The following SNX30 variants were observed in gnomAD, a reference collection of about 807,000 sequenced individuals.
SNX30 encodes the protein sorting nexin family member 30.
A neutral mutation model predicts 46.4 loss-of-function variants in SNX30; 24 were observed. The observed-to-expected ratio is 0.52, with a 90% CI of 0.37 to 0.73. The LOEUF is 0.73. SNX30 is among the 30% of genes least tolerant of loss of function. The pLI is 0.00. For synonymous variants in SNX30, 189 were observed against 211.5 expected (o/e 0.89, Z 0.92); for missense variants, 533 against 555.7 (o/e 0.96, Z 0.41).
intron 8 of SNX30, among the ~76,000 whole-genome samples, chr9:112,865,643 ATATATATATATATATATATG>A (rs1326561090): frequency 2.4e-5 from 2 of 83,668 alleles, no homozygotes; most frequent in African/African-American, 3.8e-5. Flanking sequence ...ATATATATAT[ATATATATATATATATATATG>A]TATGTATGTA....
At position 112,792,946 on chromosome 9, in the gene SNX30, A is replaced by G. The variant is rs568992816; in HGVS notation, c.157-11830A>G. Among the ~76,000 whole-genome samples the G allele has an allele frequency of 4.3e-4, 60 of 139,960 alleles. No individual in the cohort carries two copies. In the Middle Eastern group the frequency reaches 0.02, roughly 47 times the overall value. The allele number at this position is 139,960 out of a possible 152,430, so 91.8% of individuals were successfully genotyped here. A position where few individuals can be genotyped will look rare whatever the true frequency, so the allele number is the denominator to read the frequency against. On this transcript the variant is annotated intron_variant, in intron 1 of 8. Transcript: ENST00000374232. ...AGTCTGGCCTAAAGGGTTCTGTTTTATGGGCTTCATCTTTTTCAAATGCAT... is the reference window on the plus strand; with the variant it reads ...AGTCTGGCCTAAAGGGTTCTGTTTTGTGGGCTTCATCTTTTTCAAATGCAT...
chr9:112,790,606 A>C (rs981444054), intron 1 of SNX30, among the ~76,000 whole-genome samples: 4 of 152,246 alleles, frequency 2.6e-5, no homozygotes, highest in African/African-American at 9.6e-5. Context: ...GGCCAAAGTC[A>C]GTGTGGTGGG....
intron 6 of SNX30, among the ~76,000 whole-genome samples, chr9:112,844,247 A>T (rs1840903386): frequency 6.6e-6 from 1 of 152,208 alleles, no homozygotes; most frequent in African/African-American, 2.4e-5. Flanking sequence ...GGTGGATCGC[A>T]GTACTGTTTA....
chr9:112,793,899 A>T (rs1294973943), intron 1 of SNX30, among the ~76,000 whole-genome samples: 1 of 149,110 alleles, frequency 6.7e-6, no homozygotes, highest in Non-Finnish European at 1.5e-5. Flanking sequence ...CACTGAGTTT[A>T]TCTAGAGGTC....
At chr9:112,790,808 C>T (rs1336164615) in intron 1 of SNX30, among the ~76,000 whole-genome samples, 2 of 152,172 alleles carry the variant, frequency 1.3e-5, no homozygotes, top group Non-Finnish European at 2.9e-5. Flanking sequence ...CACATTTGCT[C>T]CCTATTATGT....
rs1160677050 is a variant in SNX30, at chr9:112,873,722, A to G, written c.*4879A>G. On this transcript the variant is annotated 3_prime_UTR_variant, in exon 9 of 9. Transcript: ENST00000374232. The stretch of plus-strand genomic sequence containing the variant: ...GATATAGTATCGGCATTGACAAATC[A>G]CGTAGAAACAAAGAATGCTATAGAT... The G allele has an allele frequency of 6.6e-6, 1 of 152,104 alleles. No individual in the cohort carries two copies. Among genetic ancestry groups the G allele is most frequent in the Non-Finnish European group, 1.5e-5 (1 of 68,046 alleles). The allele number at this position is 152,104 out of a possible 1,614,324, so 9.4% of individuals were successfully genotyped here. A position where few individuals can be genotyped will look rare whatever the true frequency, so the allele number is the denominator to read the frequency against.
At chr9:112,876,320 G>C (rs1841517325), downstream of SNX30, among the ~76,000 whole-genome samples, 1 of 151,894 alleles carries the variant, frequency 6.6e-6, no homozygotes, top group African/African-American at 2.4e-5. Context: ...AGGAGAGAAA[G>C]ACAGAATATG....
At chr9:112,814,845 G>A (rs7868830) in intron 2 of SNX30, among the ~76,000 whole-genome samples, 133,478 of 152,280 alleles carry the variant, frequency 0.88, 58,653 homozygotes, top group Middle Eastern at 0.91. Flanking sequence ...GTGCTCAATG[G>A]TGTTTACAAA....
intron 1 of SNX30, among the ~76,000 whole-genome samples, chr9:112,793,802 TTG>T (rs1491416750): frequency 1.4e-5 from 2 of 146,178 alleles, no homozygotes; most frequent in Admixed American, 6.8e-5. Flanking sequence ...CCACTGTTTT[TTG>T]TTTTTTTTTT....
At chr9:112,845,628 C>G (rs1341868129) in intron 6 of SNX30, among the ~76,000 whole-genome samples, 1 of 152,122 alleles carries the variant, frequency 6.6e-6, no homozygotes, top group African/African-American at 2.4e-5. Flanking sequence ...TGACTCTCAG[C>G]CTTAGATCTT....
At chr9:112,821,529 C>CA in intron 3 of SNX30, among the ~76,000 whole-genome samples, 1 of 152,092 alleles carries the variant, frequency 6.6e-6, no homozygotes, top group Non-Finnish European at 1.5e-5. Flanking sequence ...CCCTGTCACC[C>CA]AGGCTGGAGT....
chr9:112,836,106 TC>T, intron 4 of SNX30, 107 bp from the exon 5 acceptor site: 1 of 1,073,180 alleles, frequency 9.3e-7, no homozygotes, highest in Admixed American at 2.3e-5. Context: ...GCTCCTTGTT[TC>T]CCGAGTTCTC....
At chr9:112,791,436 AGCCTT>A (rs1348811037) in intron 1 of SNX30, among the ~76,000 whole-genome samples, 2 of 69,872 alleles carry the variant, frequency 2.9e-5, no homozygotes, top group Non-Finnish European at 5.2e-5. Context: ...TTTGAGACGG[AGCCTT>A]GCTCTGTCGC....
chr9:112,788,902 C>T (rs1212169984), intron 1 of SNX30, among the ~76,000 whole-genome samples: 2 of 152,204 alleles, frequency 1.3e-5, no homozygotes, highest in South Asian at 2.1e-4. Flanking sequence ...CTTAGGTGAT[C>T]CTCCCACCTC....
intron 1 of SNX30, among the ~76,000 whole-genome samples, chr9:112,792,186 C>T (rs1321236486): frequency 1.3e-5 from 2 of 152,182 alleles, no homozygotes; most frequent in Non-Finnish European, 2.9e-5. Context: ...ACACTTGGGA[C>T]CCAGCTTACC....
intron 1 of SNX30, among the ~76,000 whole-genome samples, chr9:112,757,637 T>C (rs1266902034): frequency 1.3e-5 from 2 of 152,218 alleles, no homozygotes; most frequent in Admixed American, 1.3e-4. Flanking sequence ...AAAAGTTCCC[T>C]TTTCCCCGCG....
chr9:112,755,019 C>T (rs1450903168), intron 1 of SNX30, among the ~76,000 whole-genome samples: 1 of 152,204 alleles, frequency 6.6e-6, no homozygotes, highest in East Asian at 1.9e-4. Flanking sequence ...TCCTTTGAGG[C>T]TCCTGTCATT....
At chr9:112,817,657 G>C in intron 2 of SNX30, 48 bp from the exon 3 acceptor site, 2 of 1,116,166 alleles carry the variant, frequency 1.8e-6, no homozygotes, top group South Asian at 2.5e-5. Flanking sequence ...CTTCAGCCAA[G>C]ATATGCTATT....
rs770069697 is a variant in SNX30, at chr9:112,836,354, A to T, written c.759A>T (p.Ala253=). ...AAIGDYLDTF[A]LKLGTIDRIA... ...TAGGTGACTACTTAGATACATTTGCACTCAAACTGGGAACCATTGATCGAA... is the reference window on the plus strand; with the variant it reads ...TAGGTGACTACTTAGATACATTTGCTCTCAAACTGGGAACCATTGATCGAA... The change falls in exon 5 of 9, where the codon GCA becomes GCT. Residue 253 remains alanine, a synonymous_variant. Transcript: ENST00000374232. 1 of 1,610,052 alleles carries T rather than the reference A, an allele frequency of 6.2e-7. No individual in the cohort carries two copies. The highest frequency in any genetic ancestry group is 8.5e-7 in the Non-Finnish European group (1 of 1,176,492).
Sources: allele counts gnomAD v4.1 joint callset (sites outside exome capture counted in the v4.1 genomes callset), GRCh38; gene constraint gnomAD v4.1.1; transcripts MANE v1.5; gene names NCBI Gene and HGNC (gene_info 2026-07-23, HGNC 2026-07-21).